Variants in SPATA17 observed in about 807,000 individuals in gnomAD.
The protein encoded by SPATA17 is spermatogenesis associated 17.
A neutral mutation model predicts 62.2 loss-of-function variants in SPATA17; 53 were observed. The observed-to-expected ratio is 0.85, with a 90% confidence interval of 0.68 to 1.07. The LOEUF (loss-of-function observed/expected upper bound fraction) is 1.07, where lower values mean the gene tolerates loss of function less well. Among genes scored for constraint, SPATA17 ranks in the 50% least tolerant of loss-of-function variants. The probability of loss-of-function intolerance (pLI) is 0.00; values close to 1 mark genes in which losing one functional copy is unlikely to be tolerated. For missense variants in SPATA17, 466 were observed against 425.5 expected (o/e 1.10, Z -0.84); for synonymous variants, 146 against 146.8 (o/e 0.99, Z 0.04).
At chr1:217,860,432 C>T (rs544466378) in intron 9 of SPATA17, among the ~76,000 whole-genome samples, 1 of 152,222 alleles carries the variant, frequency 6.6e-6, no homozygotes, top group Admixed American at 6.5e-5. Context: ...TGGTAGTACT[C>T]TTCAATTATA....
intron 9 of SPATA17, among the ~76,000 whole-genome samples, chr1:217,830,682 G>C (rs1244027293): frequency 1.3e-5 from 2 of 151,952 alleles, no homozygotes; most frequent in Non-Finnish European, 2.9e-5. Flanking sequence ...ATACTTCCAG[G>C]CCATACTTCC....
intron 5 of SPATA17, among the ~76,000 whole-genome samples, chr1:217,734,870 G>A (rs1672477817): frequency 6.6e-6 from 1 of 152,090 alleles, no homozygotes; most frequent in African/African-American, 2.4e-5. Flanking sequence ...GCCAGTCTGA[G>A]GTGGGGTCTG....
At chr1:217,740,711 TAGC>T (rs1463660397) in intron 5 of SPATA17, among the ~76,000 whole-genome samples, 1 of 152,218 alleles carries the variant, frequency 6.6e-6, no homozygotes, top group East Asian at 1.9e-4. Flanking sequence ...AATGTGCAGC[TAGC>T]CTGGCTCTGT....
chr1:217,722,367 A>T (rs771401974), intron 5 of SPATA17, among the ~76,000 whole-genome samples: 54 of 152,082 alleles, frequency 3.6e-4, no homozygotes, highest in Non-Finnish European at 2.9e-4. Context: ...TTTATTAAAT[A>T]TATTTAGGAA....
At chr1:217,786,774 C>CTTCTTCTTCTT (rs1571805408) in intron 8 of SPATA17, among the ~76,000 whole-genome samples, 1 of 139,734 alleles carries the variant, frequency 7.2e-6, no homozygotes, top group East Asian at 2.0e-4. Context: ...TCTTCTTCTT[C>CTTCTTCTTCTT]TTCTTCTTCT....
At chr1:217,689,300 A>G (rs1671295496) in intron 5 of SPATA17, among the ~76,000 whole-genome samples, 2 of 127,568 alleles carry the variant, frequency 1.6e-5, no homozygotes, top group Non-Finnish European at 3.1e-5. Flanking sequence ...ATGTCGGCTT[A>G]CTGCAATCTC....
At chr1:217,740,571 T>C (rs1245646822) in intron 5 of SPATA17, among the ~76,000 whole-genome samples, 1 of 152,168 alleles carries the variant, frequency 6.6e-6, no homozygotes, top group South Asian at 2.1e-4. Context: ...CAGAACAAAT[T>C]CTCAGACACA....
intron 3 of SPATA17, among the ~76,000 whole-genome samples, chr1:217,660,585 G>C (rs2102890537): frequency 6.6e-6 from 1 of 152,236 alleles, no homozygotes; most frequent in East Asian, 1.9e-4. Context: ...CACCGATGTG[G>C]GGCTTGTCTA....
intron 3 of SPATA17, among the ~76,000 whole-genome samples, chr1:217,660,847 A>T (rs540347367): frequency 6.6e-6 from 1 of 152,326 alleles, no homozygotes; most frequent in East Asian, 1.9e-4. Context: ...AGCAAAGCTG[A>T]TTGATAGTTA....
At chr1:217,703,092 T>A (rs914580110) in intron 5 of SPATA17, among the ~76,000 whole-genome samples, 17 of 151,670 alleles carry the variant, frequency 1.1e-4, no homozygotes, top group Non-Finnish European at 2.1e-4. Context: ...GCCAGGATGG[T>A]CTCAAACTCC....
intron 5 of SPATA17, among the ~76,000 whole-genome samples, chr1:217,730,687 C>T (rs578098933): frequency 3.3e-5 from 5 of 152,092 alleles, no homozygotes; most frequent in African/African-American, 1.2e-4. Context: ...ATGGACTTAG[C>T]CTTACGGTTG....
At chr1:217,665,543 A>G (rs1571716452) in intron 3 of SPATA17, 1 of 152,212 alleles carries the variant, frequency 6.6e-6, no homozygotes, top group Non-Finnish European at 1.5e-5. Context: ...ATGATAGGTA[A>G]AAATGAAAGA....
chr1:217,667,719 G>T (rs1263941503), intron 3 of SPATA17, among the ~76,000 whole-genome samples: 2 of 152,122 alleles, frequency 1.3e-5, no homozygotes, highest in African/African-American at 4.8e-5. Flanking sequence ...AATATCCAAC[G>T]TATTTCTTCT....
At chr1:217,860,416 G>A (rs186686701) in intron 9 of SPATA17, among the ~76,000 whole-genome samples, 205 of 152,196 alleles carry the variant, frequency 1.3e-3, no homozygotes, top group African/African-American at 4.7e-3. Flanking sequence ...ATTATATACA[G>A]TTTTATGGTA....
intron 7 of SPATA17, among the ~76,000 whole-genome samples, chr1:217,780,759 G>A (rs1211139182): frequency 6.6e-6 from 1 of 152,132 alleles, no homozygotes; most frequent in African/African-American, 2.4e-5. Flanking sequence ...ACCATTTTGA[G>A]TGTTTACTGT....
At chr1:217,851,317 A>G (rs551217875) in intron 9 of SPATA17, among the ~76,000 whole-genome samples, 4 of 152,270 alleles carry the variant, frequency 2.6e-5, no homozygotes, top group Admixed American at 2.0e-4. Context: ...TGATGCATGT[A>G]TACTATCAAG....
chr1:217,794,110 C>T (rs555901634), intron 8 of SPATA17, among the ~76,000 whole-genome samples: 74 of 135,680 alleles, frequency 5.5e-4, no homozygotes, highest in African/African-American at 1.9e-3. Context: ...AGCGAGACTC[C>T]GTCACAAAAA....
chr1:217,832,239 A>G (rs1675159778), intron 9 of SPATA17, among the ~76,000 whole-genome samples: 1 of 152,162 alleles, frequency 6.6e-6, no homozygotes, highest in South Asian at 2.1e-4. Context: ...TAGTTTATAA[A>G]GTAAGTTTCC....
intron 9 of SPATA17, among the ~76,000 whole-genome samples, chr1:217,856,676 C>T (rs1037958127): frequency 1.3e-5 from 2 of 152,130 alleles, no homozygotes; most frequent in African/African-American, 4.8e-5. Context: ...AGCTTTAGAA[C>T]AACACAAATA....
Sources: allele counts gnomAD v4.1 joint callset (sites outside exome capture counted in the v4.1 genomes callset), GRCh38; gene constraint gnomAD v4.1.1; transcripts MANE v1.5; gene names NCBI Gene and HGNC (gene_info 2026-07-23, HGNC 2026-07-21).